The following HDGFL3 variants were observed in gnomAD, a reference collection of about 807,000 sequenced individuals.
HDGFL3 encodes hepatoma-derived growth factor-related protein 3.
A neutral mutation model predicts 27.6 loss-of-function variants in HDGFL3; 6 were observed. That is an observed-to-expected ratio of 0.22 (90% CI 0.12 to 0.43). The LOEUF (loss-of-function observed/expected upper bound fraction) is 0.43. Ranked by LOEUF, HDGFL3 falls within the 20% of genes least tolerant of loss-of-function variation. The pLI is 1.00. For missense variants in HDGFL3, 207 were observed against 250.1 expected (o/e 0.83, Z 1.16); for synonymous variants, 88 against 88.9 (o/e 0.99, Z 0.05).
chr15:83,179,716 T>G (rs2037356139), intron 1 of HDGFL3: 1 of 152,250 alleles, frequency 6.6e-6, no homozygotes, highest in South Asian at 2.1e-4. Context: ...TCCCTTATTC[T>G]GATGGATTTT....
At chr15:83,162,434 G>A (rs186085630) in intron 2 of HDGFL3, among the ~76,000 whole-genome samples, 1 of 152,006 alleles carries the variant, frequency 6.6e-6, no homozygotes, top group Non-Finnish European at 1.5e-5. Flanking sequence ...TTGGAGATGG[G>A]TTCTAAAAAA....
chr15:83,203,309 C>T (rs1293137695), intron 1 of HDGFL3, among the ~76,000 whole-genome samples: 1 of 151,934 alleles, frequency 6.6e-6, no homozygotes, highest in Non-Finnish European at 1.5e-5. Flanking sequence ...ACTCTTTTAG[C>T]TAAAAAGTAA....
intron 1 of HDGFL3, among the ~76,000 whole-genome samples, chr15:83,193,104 G>C (rs1277407317): frequency 6.6e-6 from 1 of 152,040 alleles, no homozygotes; most frequent in African/African-American, 2.4e-5. Context: ...CTGCTTATTT[G>C]AATAAATTAC....
chr15:83,160,170 G>C (rs188088537), intron 2 of HDGFL3, among the ~76,000 whole-genome samples: 3 of 152,210 alleles, frequency 2.0e-5, no homozygotes, highest in Non-Finnish European at 2.9e-5. Context: ...AAAGGGTAGA[G>C]GAGTTGAGGA....
intron 4 of HDGFL3, among the ~76,000 whole-genome samples, chr15:83,157,041 A>G (rs181349741): frequency 2.6e-4 from 40 of 152,190 alleles, no homozygotes; most frequent in African/African-American, 9.7e-4. Context: ...CATGTGATGC[A>G]TTTACACATA....
chr15:83,116,061 T>C, intron 3 of HDGFL3: 1 of 763,070 alleles, frequency 1.3e-6, no homozygotes, highest in Non-Finnish European at 2.2e-6. Flanking sequence ...AGGCTTTCAT[T>C]TCCTATAATA....
intron 1 of HDGFL3, among the ~76,000 whole-genome samples, chr15:83,203,485 T>G (rs191424061): frequency 6.6e-6 from 1 of 152,108 alleles, no homozygotes; most frequent in Admixed American, 6.5e-5. Flanking sequence ...TCTCACCAAA[T>G]GAACAGGTGG....
At position 83,132,928 on chromosome 15, in the gene HDGFL3, C is replaced by G. The variant is rs1380937421; in HGVS notation, c.*6342G>C. 1.3e-5 allele frequency: 2 copies of G among 152,144 alleles called. No individual in the cohort carries two copies. Among genetic ancestry groups the G allele is most frequent in the Admixed American group, 6.5e-5 (1 of 15,274 alleles). The allele number at this position is 152,144 out of a possible 1,614,324, so 9.4% of individuals were successfully genotyped here. On this transcript the variant is annotated 3_prime_UTR_variant, in exon 6 of 6. Transcript: ENST00000299633. The stretch of plus-strand genomic sequence containing the variant: ...ACTCACAGTAAAAAGGTCAAAAGGT[C>G]AAGAGAATCTAAAAACAAAGGGCCC...
intron 1 of HDGFL3, among the ~76,000 whole-genome samples, chr15:83,168,344 T>C (rs1455069088): frequency 6.6e-6 from 1 of 152,050 alleles, no homozygotes; most frequent in Non-Finnish European, 1.5e-5. Context: ...CAAAAATCCA[T>C]GCAAGGATCA....
chr15:83,115,989 A>G, intron 3 of HDGFL3: 1 of 1,385,440 alleles, frequency 7.2e-7, no homozygotes, highest in Non-Finnish European at 1.0e-6. Context: ...AAAGGCCACA[A>G]CCCAGATCAC....
chr15:83,157,333 CA>C (rs1351137533), intron 4 of HDGFL3, 81 bp downstream of exon 4: 1 of 1,333,334 alleles, frequency 7.5e-7, no homozygotes, highest in South Asian at 1.2e-5. Flanking sequence ...TCTATGTACC[CA>C]ATAAACACAT....
chr15:83,170,531 A>G (rs2037233045), intron 1 of HDGFL3, among the ~76,000 whole-genome samples: 1 of 152,216 alleles, frequency 6.6e-6, no homozygotes, highest in African/African-American at 2.4e-5. Context: ...GAAGAATGAA[A>G]CTGGACCTGT....
intron 1 of HDGFL3, among the ~76,000 whole-genome samples, chr15:83,196,847 C>A (rs1184418924): frequency 6.6e-6 from 1 of 152,082 alleles, no homozygotes; most frequent in Non-Finnish European, 1.5e-5. Context: ...AGCCTGTTGG[C>A]ATCTATTTTC....
rs186296130 is a variant in HDGFL3, at chr15:83,187,717, C to T, written c.84+19614G>A. ...CAGCCTGACCAACATGGAGAAACCC[C>T]GTCTCCAATAAAAATACAAAATTAG... On this transcript the variant is annotated intron_variant, in intron 1 of 5. Coordinates refer to ENST00000299633, the MANE Select transcript of HDGFL3 (RefSeq NM_016073.4). Among the ~76,000 whole-genome samples the T allele has an allele frequency of 2.0e-5, 3 of 151,958 alleles. No individual in the cohort carries two copies. In the East Asian group the frequency reaches 5.8e-4, roughly 29 times the overall value.
At chr15:83,202,720 A>G (rs375430573) in intron 1 of HDGFL3, among the ~76,000 whole-genome samples, 69 of 152,280 alleles carry the variant, frequency 4.5e-4, no homozygotes, top group Non-Finnish European at 7.5e-4. Context: ...ACATTTTTAC[A>G]TATGTACACA....
Position 83,138,597 on chromosome 15 carries a change from T to A in HDGFL3, c.*673A>T, listed in dbSNP as rs1415381306. The A allele has an allele frequency of 6.6e-6, 1 of 152,526 alleles. No individual in the cohort carries two copies. The highest frequency in any genetic ancestry group is 1.5e-5 in the Non-Finnish European group (1 of 67,960). The allele number at this position is 152,526 out of a possible 1,614,324, so 9.4% of individuals were successfully genotyped here. Reference sequence around the variant, plus strand: ...AATTGTATTGGCACTGGGAAAAAAATAAATCATTGCCTTTATTTTGGAGTA... The same window carrying A: ...AATTGTATTGGCACTGGGAAAAAAAAAAATCATTGCCTTTATTTTGGAGTA... On this transcript the variant is annotated 3_prime_UTR_variant, in exon 6 of 6. Transcript: ENST00000299633.
Position 83,151,221 on chromosome 15 carries a change from A to C in HDGFL3, c.600T>G (p.Ser200Arg). Residue 200 changes from serine to arginine, a missense_variant, in exon 5 of 6, where the codon AGT becomes AGG. Transcript: ENST00000299633. The part of the protein sequence containing the change: ...RNTTSDLQKT[S>R]EGT ...ATTATAAGCACATCCTTACCCCTTC[A>C]CTGGTTTTCTGCAAGTCTGAAGTTG... 1 of 1,612,206 alleles carries C rather than the reference A, an allele frequency of 6.2e-7. No individual in the cohort carries two copies. The highest frequency in any genetic ancestry group is 8.5e-7 in the Non-Finnish European group (1 of 1,179,672).
chr15:83,197,728 A>C (rs1163308715), intron 1 of HDGFL3, among the ~76,000 whole-genome samples: 3 of 152,182 alleles, frequency 2.0e-5, no homozygotes, highest in African/African-American at 7.2e-5. Context: ...AACACTGTAT[A>C]TAACTCGGTA....
intron 5 of HDGFL3, among the ~76,000 whole-genome samples, chr15:83,150,537 T>A (rs192557861): frequency 2.7e-4 from 41 of 152,254 alleles, no homozygotes; most frequent in African/African-American, 9.2e-4. Flanking sequence ...AGGCAAGAAC[T>A]CTGCTGAAAC....
Sources: gnomAD v4.1 joint callset for allele counts (sites outside exome capture counted in the v4.1 genomes callset) on GRCh38, gnomAD v4.1.1 for gene constraint, MANE v1.5 for transcripts, NCBI Gene and HGNC (gene_info 2026-07-23, HGNC 2026-07-21) for gene names.